Variants in LRRC4C observed in about 807,000 individuals in gnomAD.
LRRC4C encodes leucine rich repeat containing 4C.
LRRC4C carries 5 observed loss-of-function variants against 33.6 expected under a neutral mutation model. That is an observed-to-expected ratio of 0.15 (90% CI 0.08 to 0.31). The LOEUF is 0.31. Among genes scored for constraint, LRRC4C ranks in the 10% least tolerant of loss-of-function variants. The probability of loss-of-function intolerance (pLI) is 1.00; values close to 1 mark genes in which losing one functional copy is unlikely to be tolerated. For synonymous variants in LRRC4C, 329 were observed against 302.0 expected (o/e 1.09, Z -0.93); for missense variants, 560 against 796.7 (o/e 0.70, Z 3.58).
chr11:40,866,223 A>AT (rs1199396201), intron 2 of LRRC4C, among the ~76,000 whole-genome samples: 1 of 148,796 alleles, frequency 6.7e-6, no homozygotes, highest in Non-Finnish European at 1.5e-5. Flanking sequence ...ATTTCCCTCT[A>AT]TTTTTTTCTT....
rs144048959 is a variant in LRRC4C at position 40,357,671 on chromosome 11, T to TTCTC, written c.-269-37954_-269-37951dup. ...ATGTCTTATCAAAAATGAAAAACCC[T>TTCTC]TCTCTCTCTCTCTCTCTCTCATATG... On this transcript the variant is annotated intron_variant, in intron 3 of 6. Coordinates refer to ENST00000528697, the MANE Select transcript of LRRC4C (RefSeq NM_001258419.2). 2.0e-4 allele frequency among the ~76,000 whole-genome samples: 29 copies of TTCTC among 148,698 alleles called. No individual in the cohort carries two copies. The East Asian group carries it at 3.3e-3, about 17-fold the overall frequency.
At chr11:41,074,007 G>A (rs1938918970) in intron 1 of LRRC4C, among the ~76,000 whole-genome samples, 1 of 152,044 alleles carries the variant, frequency 6.6e-6, no homozygotes, top group Non-Finnish European at 1.5e-5. Flanking sequence ...CTTAGTTGTG[G>A]TATTATTCAA....
chr11:40,485,066 G>A (rs1953784596), intron 3 of LRRC4C, among the ~76,000 whole-genome samples: 1 of 152,016 alleles, frequency 6.6e-6, no homozygotes, highest in African/African-American at 2.4e-5. Flanking sequence ...ATTAGAAGGT[G>A]AACCTGGGAA....
At chr11:40,981,650 A>C (rs1852549008) in intron 1 of LRRC4C, among the ~76,000 whole-genome samples, 1 of 152,208 alleles carries the variant, frequency 6.6e-6, no homozygotes, top group Non-Finnish European at 1.5e-5. Flanking sequence ...AAATACCATC[A>C]TTTAGAGATC....
chr11:41,379,072 T>C (rs554680822), intron 1 of LRRC4C, among the ~76,000 whole-genome samples: 3 of 152,226 alleles, frequency 2.0e-5, no homozygotes, highest in African/African-American at 7.2e-5. Context: ...CACATACTTA[T>C]ACCCACACTT....
At chr11:40,275,608 A>G (rs927413224) in intron 4 of LRRC4C, among the ~76,000 whole-genome samples, 2 of 152,144 alleles carry the variant, frequency 1.3e-5, no homozygotes, top group Non-Finnish European at 1.5e-5. Context: ...AAGAGACATC[A>G]TAGGAAACTC....
chr11:40,717,224 G>A (rs761749592), intron 2 of LRRC4C, among the ~76,000 whole-genome samples: 26 of 150,718 alleles, frequency 1.7e-4, no homozygotes, highest in Non-Finnish European at 3.1e-4. Flanking sequence ...ACAGGACCTT[G>A]CATTTTCAGT....
intron 1 of LRRC4C, among the ~76,000 whole-genome samples, chr11:41,033,075 T>C (rs1856821844): frequency 6.6e-6 from 1 of 152,018 alleles, no homozygotes; most frequent in Non-Finnish European, 1.5e-5. Flanking sequence ...TTAGTCTCTG[T>C]CTCCAATCAC....
chr11:41,003,655 C>A (rs1031002148), intron 1 of LRRC4C, among the ~76,000 whole-genome samples: 2 of 151,480 alleles, frequency 1.3e-5, no homozygotes, highest in Admixed American at 1.3e-4. Flanking sequence ...AATATTTATA[C>A]ATTTTTAGGT....
chr11:41,101,320 A>G (rs937648560), intron 1 of LRRC4C, among the ~76,000 whole-genome samples: 7 of 152,112 alleles, frequency 4.6e-5, no homozygotes, highest in African/African-American at 1.7e-4. Flanking sequence ...AAAAAAAACC[A>G]TTTAAAAGTG....
intron 3 of LRRC4C, among the ~76,000 whole-genome samples, chr11:40,549,750 C>T (rs1565495485): frequency 6.6e-6 from 1 of 151,840 alleles, no homozygotes; most frequent in African/African-American, 2.4e-5. Flanking sequence ...AATACCATTG[C>T]TAAAGTAAAT....
At chr11:40,959,343 T>C (rs766084880) in intron 1 of LRRC4C, among the ~76,000 whole-genome samples, 11 of 151,676 alleles carry the variant, frequency 7.3e-5, no homozygotes, top group African/African-American at 1.2e-4. Context: ...ATTCCAGGTT[T>C]ATTACGGAAA....
At chr11:41,072,423 G>A (rs1251137244) in intron 1 of LRRC4C, among the ~76,000 whole-genome samples, 2 of 152,000 alleles carry the variant, frequency 1.3e-5, no homozygotes, top group African/African-American at 4.8e-5. Context: ...GAGATTTATT[G>A]AATAATGGGG....
At chr11:40,892,403 C>A (rs1259237093) in intron 2 of LRRC4C, among the ~76,000 whole-genome samples, 1 of 152,022 alleles carries the variant, frequency 6.6e-6, no homozygotes, top group Non-Finnish European at 1.5e-5. Flanking sequence ...AAAACTAGAA[C>A]CACCATATGA....
intron 3 of LRRC4C, among the ~76,000 whole-genome samples, chr11:40,542,838 C>T (rs554995911): frequency 1.2e-4 from 18 of 152,202 alleles, no homozygotes; most frequent in African/African-American, 4.3e-4. Flanking sequence ...TATATTTTCC[C>T]TCTCATATTT....
At chr11:40,573,962 T>G (rs972713416) in intron 3 of LRRC4C, among the ~76,000 whole-genome samples, 5 of 152,210 alleles carry the variant, frequency 3.3e-5, no homozygotes, top group Non-Finnish European at 7.3e-5. Context: ...TTTGTTAGGT[T>G]TTTTAAAATT....
At chr11:40,907,187 C>G (rs1443672453) in intron 2 of LRRC4C, among the ~76,000 whole-genome samples, 1 of 152,200 alleles carries the variant, frequency 6.6e-6, no homozygotes, top group East Asian at 1.9e-4. Flanking sequence ...TAGCCATTGA[C>G]AGAGACTGAG....
At chr11:41,441,558 A>G (rs1047225641) in intron 1 of LRRC4C, among the ~76,000 whole-genome samples, 9 of 151,002 alleles carry the variant, frequency 6.0e-5, no homozygotes, top group Non-Finnish European at 1.0e-4. Context: ...AATTGACTCA[A>G]TCTTCATTCA....
intron 1 of LRRC4C, among the ~76,000 whole-genome samples, chr11:41,430,168 A>G (rs1955184696): frequency 1.3e-5 from 2 of 152,158 alleles, no homozygotes; most frequent in African/African-American, 4.8e-5. Context: ...GATTTTGAAG[A>G]GTAAATGACT....
Sources: gnomAD v4.1 joint callset for allele counts (sites outside exome capture counted in the v4.1 genomes callset) on GRCh38, gnomAD v4.1.1 for gene constraint, MANE v1.5 for transcripts, NCBI Gene and HGNC (gene_info 2026-07-23, HGNC 2026-07-21) for gene names.